The following CCDC171 variants were observed in gnomAD, a reference collection of about 807,000 sequenced individuals.
CCDC171 encodes the protein coiled-coil domain-containing protein 171.
A neutral mutation model predicts 168.2 loss-of-function variants in CCDC171; 177 were observed. The observed-to-expected ratio is 1.05, with a 90% CI of 0.93 to 1.19. CCDC171 has a LOEUF of 1.19. Ranked by LOEUF, CCDC171 falls within the 50% of genes most tolerant of loss-of-function variation. CCDC171 has a pLI of 0.00. For missense variants in CCDC171, 1,991 were observed against 1,539.0 expected, an observed-to-expected ratio of 1.29 and a Z score of -4.91; for synonymous variants, 687 against 540.8, an observed-to-expected ratio of 1.27 and a Z score of -3.75.
At chr9:15,615,434 TTATCA>T in intron 6 of CCDC171, among the ~76,000 whole-genome samples, 1 of 152,310 alleles carries the variant, frequency 6.6e-6, no homozygotes, top group Non-Finnish European at 1.5e-5. Context: ...ACAATAGAAA[TTATCA>T]TATAATATTA....
At chr9:15,823,186 G>C (rs1375840097) in intron 21 of CCDC171, among the ~76,000 whole-genome samples, 2 of 151,814 alleles carry the variant, frequency 1.3e-5, no homozygotes, top group African/African-American at 2.4e-5. Flanking sequence ...GTTTGTTGTG[G>C]GGTGGGAGGG....
At chr9:15,810,040 T>C (rs1199867892) in intron 21 of CCDC171, among the ~76,000 whole-genome samples, 1 of 152,146 alleles carries the variant, frequency 6.6e-6, no homozygotes, top group African/African-American at 2.4e-5. Flanking sequence ...CTAGATGAGC[T>C]AGACACAGAG....
At chr9:15,576,419 C>G (rs2040669230) in intron 3 of CCDC171, among the ~76,000 whole-genome samples, 1 of 151,998 alleles carries the variant, frequency 6.6e-6, no homozygotes, top group Non-Finnish European at 1.5e-5. Context: ...AACTCCTAGC[C>G]TCAAGCAACC....
intron 1 of CCDC171, among the ~76,000 whole-genome samples, chr9:15,563,382 C>G (rs2039471584): frequency 6.6e-6 from 1 of 152,110 alleles, no homozygotes; most frequent in Non-Finnish European, 1.5e-5. Flanking sequence ...AGGTGATCTG[C>G]CTGCCTCTGC....
At chr9:15,655,309 C>T (rs746134345) in intron 7 of CCDC171, among the ~76,000 whole-genome samples, 2 of 152,114 alleles carry the variant, frequency 1.3e-5, no homozygotes, top group Non-Finnish European at 2.9e-5. Context: ...TATTGAACTA[C>T]CCCATTGACA....
At chr9:15,854,666 C>T (rs1055871462) in intron 23 of CCDC171, among the ~76,000 whole-genome samples, 1 of 151,540 alleles carries the variant, frequency 6.6e-6, no homozygotes, top group African/African-American at 2.4e-5. Flanking sequence ...CTTAACTGCT[C>T]CAAGCTGGAA....
chr9:15,883,934 A>T (rs902007465), intron 24 of CCDC171, among the ~76,000 whole-genome samples: 3 of 152,254 alleles, frequency 2.0e-5, no homozygotes, highest in African/African-American at 4.8e-5. Flanking sequence ...GCAGTTATGC[A>T]ACTTTGCTAG....
At chr9:15,902,010 A>G (rs549672474) in intron 24 of CCDC171, among the ~76,000 whole-genome samples, 1 of 152,306 alleles carries the variant, frequency 6.6e-6, no homozygotes, top group East Asian at 1.9e-4. Flanking sequence ...TCTTTCAAAA[A>G]AGATGAGGGT....
intron 4 of CCDC171, among the ~76,000 whole-genome samples, chr9:15,590,575 C>T (rs1255987242): frequency 1.3e-5 from 2 of 152,162 alleles, no homozygotes; most frequent in Admixed American, 6.5e-5. Context: ...GCACCTAAAT[C>T]TGGCAAAGTA....
chr9:15,752,972 TC>T (rs1564347622), intron 18 of CCDC171, among the ~76,000 whole-genome samples: 2 of 152,166 alleles, frequency 1.3e-5, no homozygotes. Flanking sequence ...TCTTAAGCTA[TC>T]TTCTTGTTTA....
chr9:15,972,040 A>T lies in CCDC171; in HGVS notation c.*204A>T, dbSNP rs1407398658. ...TTTTTCTCTCCAAGTTTTATTTGTT[A>T]TCACAGTTGCTCATTTTTATGTAAC... On this transcript the variant is annotated 3_prime_UTR_variant, in exon 26 of 26. Transcript: ENST00000380701. 7 of 519,336 alleles carry T rather than the reference A, an allele frequency of 1.3e-5. No individual in the cohort carries two copies. The Admixed American group carries it at 1.8e-4, about 13-fold the overall frequency. The allele number at this position is 519,336 out of a possible 1,614,324, so 32.2% of individuals were successfully genotyped here. A position where few individuals can be genotyped will look rare whatever the true frequency, so the allele number is the denominator to read the frequency against.
At chr9:16,043,446 G>C (rs777332027) in intron 1 of CCDC171, among the ~76,000 whole-genome samples, 2 of 152,178 alleles carry the variant, frequency 1.3e-5, no homozygotes, top group Non-Finnish European at 2.9e-5. Context: ...TCTTGGGGAT[G>C]AGTACTGAAA....
In CCDC171 at chr9:15,784,705, A is replaced by T; in HGVS notation, c.3267+11A>T. 1 of 1,599,102 alleles carries T rather than the reference A, an allele frequency of 6.3e-7. No individual in the cohort carries two copies. The highest frequency in any genetic ancestry group is 8.6e-7 in the Non-Finnish European group (1 of 1,168,702). The stretch of plus-strand genomic sequence containing the variant: ...GGAGAAGCTGTTAAGGTAAGAGAAT[A>T]AAGGGATATTTGCATAAAGGGATAT... On this transcript the variant is annotated intron_variant, in intron 21 of 25. Coordinates refer to ENST00000380701, the MANE Select transcript of CCDC171 (RefSeq NM_173550.4).
chr9:15,799,929 C>T (rs187421782), intron 21 of CCDC171, among the ~76,000 whole-genome samples: 3 of 152,256 alleles, frequency 2.0e-5, no homozygotes, highest in Non-Finnish European at 4.4e-5. Flanking sequence ...CCAGTTCCAT[C>T]TATGTTGTTG....
intron 24 of CCDC171, among the ~76,000 whole-genome samples, chr9:15,910,271 A>G (rs1352572458): frequency 6.6e-6 from 1 of 152,180 alleles, no homozygotes; most frequent in Non-Finnish European, 1.5e-5. Context: ...TATTATGGAT[A>G]GTGCTACAAC....
intron 24 of CCDC171, chr9:15,885,370 A>G (rs1819252516): frequency 6.6e-6 from 1 of 152,186 alleles, no homozygotes; most frequent in South Asian, 2.1e-4. Context: ...TCTAAACTTG[A>G]TGCTTTATCT....
At chr9:16,024,749 C>T (rs2133030236) in intron 6 of CCDC171, among the ~76,000 whole-genome samples, 1 of 152,332 alleles carries the variant, frequency 6.6e-6, no homozygotes. Flanking sequence ...TGTAGCCATG[C>T]ATCATGGATA....
At chr9:15,686,575 A>G (rs1262964499) in intron 10 of CCDC171, among the ~76,000 whole-genome samples, 1 of 152,122 alleles carries the variant, frequency 6.6e-6, no homozygotes, top group Non-Finnish European at 1.5e-5. Context: ...GATGGAAAAA[A>G]TATACCATGC....
At chr9:15,861,402 T>C (rs1194849629) in intron 23 of CCDC171, among the ~76,000 whole-genome samples, 1 of 151,938 alleles carries the variant, frequency 6.6e-6, no homozygotes, top group Non-Finnish European at 1.5e-5. Context: ...GTTCCAGAGC[T>C]TTTTGGAATT....
Sources: gnomAD v4.1 joint callset for allele counts (sites outside exome capture counted in the v4.1 genomes callset) on GRCh38, gnomAD v4.1.1 for gene constraint, MANE v1.5 for transcripts, NCBI Gene and HGNC (gene_info 2026-07-23, HGNC 2026-07-21) for gene names.